PCDHA11: variants seen among roughly 807,000 people sequenced by gnomAD.
The protein encoded by PCDHA11 is protocadherin alpha-11.
In PCDHA11, 61 loss-of-function variants were observed where a neutral mutation model predicts 70.3. The ratio of observed to expected loss-of-function variants is 0.87; its 90% CI spans 0.71 to 1.07. PCDHA11 has a LOEUF of 1.07. PCDHA11 is among the 50% of genes least tolerant of loss of function. PCDHA11 has a pLI of 0.00. For missense variants in PCDHA11, 1,324 were observed against 1,237.5 expected (o/e 1.07, Z -1.05); for synonymous variants, 633 against 555.1 (o/e 1.14, Z -1.97).
intron 1 of PCDHA11, among the ~76,000 whole-genome samples, chr5:140,939,663 C>T (rs1282923741): frequency 6.6e-6 from 1 of 152,116 alleles, no homozygotes; most frequent in Non-Finnish European, 1.5e-5. Context: ...ACAGGAATAA[C>T]CAACTTGTAT....
At chr5:140,893,612 T>C (rs1455928353) in intron 1 of PCDHA11, among the ~76,000 whole-genome samples, 1 of 152,240 alleles carries the variant, frequency 6.6e-6, no homozygotes, top group Non-Finnish European at 1.5e-5. Flanking sequence ...CCTTCATTTC[T>C]GAAGTATAGC....
chr5:140,884,418 T>C, intron 1 of PCDHA11: 2 of 1,613,974 alleles, frequency 1.2e-6, no homozygotes, highest in South Asian at 2.2e-5. Flanking sequence ...ACGTTGCTGC[T>C]GTATACTGCG....
At position 140,979,295 on chromosome 5, in the gene PCDHA11, C is replaced by A. The variant is rs180999093; in HGVS notation, c.2450+288C>A. Among the ~76,000 whole-genome samples, 27 of 152,270 alleles carry A rather than the reference C, an allele frequency of 1.8e-4. 1 individual carries two copies. The highest frequency in any genetic ancestry group is 4.1e-4 in the African/African-American group (17 of 41,558). ...TTCTACAGGGAAGTAATTTCAACCT[C>A]CTTCATCCCTCTCTACCTATGCTTT... On this transcript the variant is annotated intron_variant, in intron 2 of 3. Coordinates refer to ENST00000398640, the MANE Select transcript of PCDHA11 (RefSeq NM_018902.5).
intron 3 of PCDHA11, among the ~76,000 whole-genome samples, chr5:140,989,714 A>T (rs2097355942): frequency 6.6e-6 from 1 of 152,202 alleles, no homozygotes; most frequent in Non-Finnish European, 1.5e-5. Context: ...AGAGGCAGTC[A>T]GCTTTGCAGT....
At chr5:140,983,457 G>A (rs1354592991) in intron 3 of PCDHA11, among the ~76,000 whole-genome samples, 4 of 152,182 alleles carry the variant, frequency 2.6e-5, no homozygotes, top group Non-Finnish European at 4.4e-5. Flanking sequence ...TCTATTAATA[G>A]AACATCATGA....
At chr5:141,008,686 A>G (rs1419778370) in intron 3 of PCDHA11, among the ~76,000 whole-genome samples, 1 of 152,174 alleles carries the variant, frequency 6.6e-6, no homozygotes, top group Non-Finnish European at 1.5e-5. Flanking sequence ...TAGTTATTGC[A>G]TGTATTAAGT....
chr5:140,905,019 A>C (rs1000367022), intron 1 of PCDHA11, among the ~76,000 whole-genome samples: 23 of 152,044 alleles, frequency 1.5e-4, no homozygotes, highest in African/African-American at 5.6e-4. Context: ...ATTCTTTTCT[A>C]TGCAGAAGCT....
In PCDHA11 at chr5:140,966,814, C is replaced by G. The variant is rs782787958; in HGVS notation, c.2392-12135C>G. 4.5e-6 allele frequency: 7 copies of G among 1,552,328 alleles called. No individual in the cohort carries two copies. The East Asian group carries it at 1.2e-4, about 27-fold the overall frequency. On this transcript the variant is annotated intron_variant, in intron 1 of 3. Coordinates refer to ENST00000398640, the MANE Select transcript of PCDHA11 (RefSeq NM_018902.5). The stretch of plus-strand genomic sequence containing the variant: ...CTGCGGCGACAGAGCATCCACGGCT[C>G]CGGCGGCCCATGCCCTGGCTGCTGC...
At chr5:140,876,433 A>G (rs1562712994) in intron 1 of PCDHA11, 19 of 1,614,000 alleles carry the variant, frequency 1.2e-5, no homozygotes, top group Non-Finnish European at 1.6e-5. Flanking sequence ...AATTCAGGTT[A>G]ACGCCATTGA....
chr5:140,949,636 T>A (rs1047386786), intron 1 of PCDHA11, among the ~76,000 whole-genome samples: 1 of 151,898 alleles, frequency 6.6e-6, no homozygotes, highest in Admixed American at 6.6e-5. Context: ...GGCATATTGC[T>A]TTTTGTTCAT....
chr5:140,934,239 T>C (rs2089722399), intron 1 of PCDHA11, among the ~76,000 whole-genome samples: 1 of 152,146 alleles, frequency 6.6e-6, no homozygotes, highest in Non-Finnish European at 1.5e-5. Context: ...TACTTAATTG[T>C]GGAGATTTAT....
chr5:140,955,585 T>G (rs1438222402), intron 1 of PCDHA11, among the ~76,000 whole-genome samples: 1 of 152,198 alleles, frequency 6.6e-6, no homozygotes, highest in African/African-American at 2.4e-5. Context: ...CAATTAAACC[T>G]CTTTCTTTTA....
At position 140,877,217 on chromosome 5, in the gene PCDHA11, C is replaced by T. The variant is rs571871387; in HGVS notation, c.2391+5723C>T. ...GGAGGCGCAGTTAGCGAGTTGGTAC[C>T]GCGGTCGGTGGGTGCGGGCCACGTG... On this transcript the variant is annotated intron_variant, in intron 1 of 3. Coordinates refer to ENST00000398640, the MANE Select transcript of PCDHA11 (RefSeq NM_018902.5). 144 of 1,613,624 alleles carry T rather than the reference C, an allele frequency of 8.9e-5. No individual in the cohort carries two copies. Among genetic ancestry groups the T allele is most frequent in the Non-Finnish European group, 1.2e-4 (138 of 1,179,784 alleles).
At chr5:140,928,467 A>C (rs782319281) in intron 1 of PCDHA11, 29 of 1,614,142 alleles carry the variant, frequency 1.8e-5, no homozygotes, top group Non-Finnish European at 2.3e-5. Flanking sequence ...ATTTCCAAGT[A>C]GAAGGCCGGG....
At chr5:140,936,519 G>A (rs77875081) in intron 1 of PCDHA11, among the ~76,000 whole-genome samples, 2,263 of 152,276 alleles carry the variant, frequency 0.015, 25 homozygotes, top group Non-Finnish European at 0.022. Context: ...TAAATTACCT[G>A]AAATTGCTTT....
At chr5:140,879,672 G>C (rs1256239319) in intron 1 of PCDHA11, among the ~76,000 whole-genome samples, 1 of 152,160 alleles carries the variant, frequency 6.6e-6, no homozygotes, top group East Asian at 1.9e-4. Flanking sequence ...ACACAAACTG[G>C]GTGCTGTAAA....
intron 1 of PCDHA11, chr5:140,876,996 G>T (rs1554169201): frequency 1.2e-6 from 2 of 1,612,618 alleles, no homozygotes; most frequent in East Asian, 2.2e-5. Context: ...CGAGCTACGT[G>T]TCGGTGCACG....
chr5:140,990,649 T>C (rs1465284882), intron 3 of PCDHA11, among the ~76,000 whole-genome samples: 1 of 152,212 alleles, frequency 6.6e-6, no homozygotes, highest in African/African-American at 2.4e-5. Context: ...TCAGCCAGTA[T>C]GAATGATTTA....
At chr5:140,882,713 G>T (rs1554175318) in intron 1 of PCDHA11, 6 of 1,614,198 alleles carry the variant, frequency 3.7e-6, no homozygotes, top group African/African-American at 1.3e-5. Context: ...TAGACCTCCG[G>T]AAACTCGATT....
Sources: gnomAD v4.1 joint callset for allele counts (sites outside exome capture counted in the v4.1 genomes callset) on GRCh38, gnomAD v4.1.1 for gene constraint, MANE v1.5 for transcripts, NCBI Gene and HGNC (gene_info 2026-07-23, HGNC 2026-07-21) for gene names.